The following KMT2A variants were observed in gnomAD, a reference collection of about 807,000 sequenced individuals.
KMT2A encodes lysine methyltransferase 2A.
Under a neutral mutation model 345.3 loss-of-function variants are expected in KMT2A, and 16 were observed. The observed-to-expected ratio is 0.05, with a 90% confidence interval of 0.03 to 0.07. The LOEUF (loss-of-function observed/expected upper bound fraction) is 0.07, where lower values mean the gene tolerates loss of function less well. Among genes scored for constraint, KMT2A ranks in the 10% least tolerant of loss-of-function variants. The probability of loss-of-function intolerance (pLI) is 1.00; values close to 1 mark genes in which losing one functional copy is unlikely to be tolerated. For missense variants in KMT2A, 3,272 were observed against 4,841.6 expected (o/e 0.68, Z 9.62); for synonymous variants, 1,599 against 1,778.6 (o/e 0.90, Z 2.54).
chr11:118,472,987 T>A lies in KMT2A; in HGVS notation c.1828T>A (p.Ser610Thr), dbSNP rs1949970364. The change falls in exon 3 of 36, where the codon TCT becomes ACT. Residue 610 changes from serine to threonine, a missense_variant. Around this residue, in one of 27 missense-constraint regions of KMT2A, gnomAD observed 114 missense variants for 203.2 expected, o/e 0.56. Transcript: ENST00000534358. ...TGCTCCTATGCAAGGGAAGCGAAAA[T>A]CTATTTTGCGAGAACCGACATTTAG... ...STAPMQGKRK[S>T]ILREPTFRWT... 1 of 1,614,106 alleles carries A rather than the reference T, an allele frequency of 6.2e-7. No individual in the cohort carries two copies. The highest frequency in any genetic ancestry group is 8.5e-7 in the Non-Finnish European group (1 of 1,180,022).
At chr11:118,456,344 C>T (rs1283134775) in intron 1 of KMT2A, among the ~76,000 whole-genome samples, 1 of 145,376 alleles carries the variant, frequency 6.9e-6, no homozygotes, top group East Asian at 2.0e-4. Context: ...AAAAATGAAC[C>T]TTTTTTTTTT....
In KMT2A at chr11:118,445,027, C is replaced by T. The variant is rs140726591; in HGVS notation, c.432+8083C>T. On this transcript the variant is annotated intron_variant, in intron 1 of 35. Transcript: ENST00000534358. ...ACATAGGAAGCCCTAATTGTTAGAA[C>T]CAAGAGATTGAAAGGAGAGCAGGGT... Among the ~76,000 whole-genome samples the T allele has an allele frequency of 7.9e-5, 12 of 152,246 alleles. No homozygotes were observed. The East Asian group carries it at 1.3e-3, about 17-fold the overall frequency.
At chr11:118,474,467 C>A in intron 3 of KMT2A, 152 bp downstream of exon 3, 1 of 961,294 alleles carries the variant, frequency 1.0e-6, no homozygotes, top group Non-Finnish European at 1.5e-6. Flanking sequence ...CTTCAAGGAC[C>A]AGTAGGATTT....
At chr11:118,515,682 C>CTTTTTTTTT (rs11374365) in intron 31 of KMT2A, among the ~76,000 whole-genome samples, 1 of 97,478 alleles carries the variant, frequency 1.0e-5, no homozygotes, top group Non-Finnish European at 1.9e-5. Flanking sequence ...TTTTTCTGTC[C>CTTTTTTTTT]TTTTTTTTTT....
At chr11:118,441,504 A>G (rs1468028883) in intron 1 of KMT2A, among the ~76,000 whole-genome samples, 2 of 152,106 alleles carry the variant, frequency 1.3e-5, no homozygotes, top group African/African-American at 4.8e-5. Context: ...GTTTGGCTAA[A>G]TGTGTTGTCA....
At chr11:118,464,952 G>A (rs1032740527) in intron 1 of KMT2A, among the ~76,000 whole-genome samples, 5 of 152,328 alleles carry the variant, frequency 3.3e-5, no homozygotes, top group African/African-American at 1.2e-4. Flanking sequence ...AAATGCCCAG[G>A]AAAGCTTCAC....
rs1555042199 is a variant in KMT2A, at chr11:118,490,577, T to C, written c.4696+328T>C. 6.6e-6 allele frequency among the ~76,000 whole-genome samples: 1 copy of C among 152,048 alleles called. No homozygotes were observed. Among genetic ancestry groups the C allele is most frequent in the Non-Finnish European group, 1.5e-5 (1 of 68,020 alleles). On this transcript the variant is annotated intron_variant, in intron 13 of 35. Coordinates refer to ENST00000534358, the MANE Select transcript of KMT2A (RefSeq NM_001197104.2). This position sits in a 1 kb window ranked among gnomAD's most constrained non-coding sequence, Gnocchi z 4.2. The stretch of plus-strand genomic sequence containing the variant: ...CCCAAACATTTTCTTTCAGTAGTTA[T>C]ATTAGAAAAAAATATTAATATAACT...
rs781794132 is a variant in KMT2A at position 118,471,710 on chromosome 11, A to T, written c.551A>T (p.Asp184Val). 6.2e-7 allele frequency: 1 copy of T among 1,603,996 alleles called. No homozygotes were observed. Among genetic ancestry groups the T allele is most frequent in the South Asian group, 1.1e-5 (1 of 89,726 alleles). The change falls in exon 3 of 36, where the codon GAC (aspartate) becomes GTC (valine). Residue 184 changes from aspartate (D) to valine (V), a missense_variant. Around this residue, in one of 27 missense-constraint regions of KMT2A, gnomAD observed 412 missense variants for 511.0 expected, o/e 0.81. Coordinates refer to ENST00000534358, the MANE Select transcript of KMT2A (RefSeq NM_001197104.2). ...CGTGGGAGACCTAGAAGTGGCTCTGACCGAAATTCAGCTATCCTCTCAGAT... is the reference window on the plus strand; with the variant it reads ...CGTGGGAGACCTAGAAGTGGCTCTGTCCGAAATTCAGCTATCCTCTCAGAT... ...KPRGRPRSGS[D>V]RNSAILSDPS...
At chr11:118,442,015 C>G (rs1360576007) in intron 1 of KMT2A, among the ~76,000 whole-genome samples, 4 of 152,204 alleles carry the variant, frequency 2.6e-5, no homozygotes, top group African/African-American at 4.8e-5. Flanking sequence ...GCATAACAGA[C>G]TGCAGTGCCT....
chr11:118,475,540 G>A (rs560527889), intron 3 of KMT2A, among the ~76,000 whole-genome samples: 11 of 152,206 alleles, frequency 7.2e-5, no homozygotes, highest in African/African-American at 2.4e-4. Context: ...TGGCTAACAC[G>A]GTGAAACCCT....
In KMT2A at chr11:118,471,887, A is replaced by C; in HGVS notation, c.728A>C (p.Glu243Ala). 1 of 1,613,518 alleles carries C rather than the reference A, an allele frequency of 6.2e-7. No homozygotes were observed. Among genetic ancestry groups the C allele is most frequent in the Non-Finnish European group, 8.5e-7 (1 of 1,179,814 alleles). ...IKITHGKDISELPKGNKEDSL... is the reference protein window; with the variant it reads ...IKITHGKDISALPKGNKEDSL... Reference sequence around the variant, plus strand: ...ATAACACATGGAAAGGACATTTCAGAGTTACCAAAGGGAAACAAAGAAGAT... The same window carrying C: ...ATAACACATGGAAAGGACATTTCAGCGTTACCAAAGGGAAACAAAGAAGAT... Residue 243 changes from glutamate (E) to alanine (A), a missense_variant, in exon 3 of 36, where the codon GAG becomes GCG. Physicochemically the swap from Glu to Ala is moderately radical, Grantham distance 107 (BLOSUM62 -1). Around this residue, in one of 27 missense-constraint regions of KMT2A, gnomAD observed 412 missense variants for 511.0 expected, o/e 0.81. Coordinates refer to ENST00000534358, the MANE Select transcript of KMT2A (RefSeq NM_001197104.2).
chr11:118,443,909 G>C (rs1179530863), intron 1 of KMT2A, among the ~76,000 whole-genome samples: 1 of 152,162 alleles, frequency 6.6e-6, no homozygotes, highest in Non-Finnish European at 1.5e-5. Flanking sequence ...GTTTTGTTGG[G>C]ATGTTTGGGT....
rs782535422 is a variant in KMT2A at position 118,471,947 on chromosome 11, C to T, written c.788C>T (p.Thr263Met). 2.5e-6 allele frequency: 4 copies of T among 1,614,064 alleles called. No individual in the cohort carries two copies. The highest frequency in any genetic ancestry group is 2.2e-5 in the East Asian group (1 of 44,880). ...AAAATTAAAAGGACACCTTCTGCTA[C>T]GTTTCAGCAAGCCACAAAGATTAAA... ...LKKIKRTPSA[T>M]FQQATKIKKL... The change falls in exon 3 of 36, where the codon ACG becomes ATG. Residue 263 changes from threonine (T) to methionine (M), a missense_variant. Thr to Met is a moderately conservative substitution (Grantham distance 81, BLOSUM62 -1). Transcript: ENST00000534358.
Position 118,506,640 on chromosome 11 carries a change from G to A in KMT2A, c.10748G>A (p.Gly3583Asp), listed in dbSNP as rs148022594. Reference sequence around the variant, plus strand: ...CAAGAAACGACATCCCTGACCTCAGGCACAGGGTGAGAGATCCAAATACTA... The same window carrying A: ...CAAGAAACGACATCCCTGACCTCAGACACAGGGTGAGAGATCCAAATACTA... ...PDQETTSLTS[G>D]TGTPGAEAEQ... The change falls in exon 27 of 36, where the codon GGC becomes GAC. Residue 3583 changes from glycine to aspartate, a missense_variant. Gly to Asp is a moderately conservative substitution (Grantham distance 94). Around this residue, in one of 27 missense-constraint regions of KMT2A, gnomAD observed 748 missense variants for 922.2 expected, o/e 0.81. Transcript: ENST00000534358. 30 of 1,593,554 alleles carry A rather than the reference G, an allele frequency of 1.9e-5. No homozygotes were observed. The highest frequency in any genetic ancestry group is 3.4e-5 in the South Asian group (3 of 87,656).
intron 1 of KMT2A, among the ~76,000 whole-genome samples, chr11:118,438,831 G>T: frequency 6.6e-6 from 1 of 152,082 alleles, no homozygotes; most frequent in East Asian, 1.9e-4. Flanking sequence ...GAGCAAGGAG[G>T]ACATGATGGG....
At chr11:118,466,018 A>G (rs906928324) in intron 1 of KMT2A, among the ~76,000 whole-genome samples, 2 of 152,192 alleles carry the variant, frequency 1.3e-5, no homozygotes, top group African/African-American at 4.8e-5. Context: ...GGTTAGTTAT[A>G]TACTAACTTG....
chr11:118,454,290 C>T (rs1555029977), intron 1 of KMT2A, among the ~76,000 whole-genome samples: 1 of 152,212 alleles, frequency 6.6e-6, no homozygotes, highest in African/African-American at 2.4e-5. Flanking sequence ...GGCCTCTGGT[C>T]AAGCCTACTT....
chr11:118,440,184 T>C (rs1949284065), intron 1 of KMT2A, among the ~76,000 whole-genome samples: 1 of 152,256 alleles, frequency 6.6e-6, no homozygotes. Context: ...TTAATACTTC[T>C]AAAACTAGGT....
chr11:118,459,938 G>T (rs1200831044), intron 1 of KMT2A, among the ~76,000 whole-genome samples: 1 of 151,876 alleles, frequency 6.6e-6, no homozygotes, highest in Non-Finnish European at 1.5e-5. Flanking sequence ...CAAGTGATCT[G>T]CCTGCCTTGG....
Sources: gnomAD v4.1 joint callset for allele counts (sites outside exome capture counted in the v4.1 genomes callset) on GRCh38, gnomAD v4.1.1 for gene constraint, gnomAD v4.1.1 regional missense constraint, Gnocchi (gnomAD v3.1) non-coding constraint, MANE v1.5 for transcripts, NCBI Gene and HGNC (gene_info 2026-07-23, HGNC 2026-07-21) for gene names.